The following MINDY4 variants were observed in gnomAD, a reference collection of about 807,000 sequenced individuals.
The protein encoded by MINDY4 is probable ubiquitin carboxyl-terminal hydrolase MINDY-4.
MINDY4 carries 68 observed loss-of-function variants against 87.0 expected under a neutral mutation model. The observed-to-expected ratio is 0.78, with a 90% CI of 0.64 to 0.96. The LOEUF is 0.96. MINDY4 is among the 40% of genes least tolerant of loss of function. MINDY4 has a pLI of 0.00. For synonymous variants in MINDY4, 379 were observed against 363.2 expected, an observed-to-expected ratio of 1.04 and a Z score of -0.50; for missense variants, 919 against 928.2, an observed-to-expected ratio of 0.99 and a Z score of 0.13.
intron 5 of MINDY4, among the ~76,000 whole-genome samples, chr7:30,822,564 A>T (rs1325664195): frequency 6.6e-6 from 1 of 151,376 alleles, no homozygotes; most frequent in Non-Finnish European, 1.5e-5. Context: ...TTTAGGCTTT[A>T]TTTTTTTTCA....
chr7:30,851,342 A>G (rs1396220340), intron 10 of MINDY4, among the ~76,000 whole-genome samples: 2 of 152,192 alleles, frequency 1.3e-5, no homozygotes, highest in African/African-American at 4.8e-5. Context: ...CGCTCTGTTT[A>G]CTCATCTGGA....
chr7:30,871,612 G>A (rs1022719577), intron 13 of MINDY4, among the ~76,000 whole-genome samples: 2 of 152,210 alleles, frequency 1.3e-5, no homozygotes, highest in Non-Finnish European at 2.9e-5. Context: ...TGCATCTTTT[G>A]AAGGACTCCA....
At chr7:30,805,587 C>T (rs1584257826) in intron 5 of MINDY4, among the ~76,000 whole-genome samples, 1 of 152,080 alleles carries the variant, frequency 6.6e-6, no homozygotes, top group African/African-American at 2.4e-5. Context: ...GAGCCAGTCT[C>T]CTGGAGGCAG....
chr7:30,778,966 A>T (rs930875002), intron 2 of MINDY4, among the ~76,000 whole-genome samples: 1 of 152,174 alleles, frequency 6.6e-6, no homozygotes, highest in Non-Finnish European at 1.5e-5. Context: ...GTAATACCTT[A>T]GTCTTGAGTC....
At chr7:30,850,841 C>T (rs1382575238) in intron 10 of MINDY4, among the ~76,000 whole-genome samples, 1 of 152,184 alleles carries the variant, frequency 6.6e-6, no homozygotes, top group Non-Finnish European at 1.5e-5. Flanking sequence ...GGTGACCCCT[C>T]AGAGGAAGCC....
chr7:30,803,734 C>G (rs1210644732), intron 5 of MINDY4, among the ~76,000 whole-genome samples: 1 of 152,202 alleles, frequency 6.6e-6, no homozygotes, highest in Non-Finnish European at 1.5e-5. Context: ...CCTGGGGTCT[C>G]ATTCCTAAAG....
intron 5 of MINDY4, among the ~76,000 whole-genome samples, chr7:30,808,165 G>A (rs1000822348): frequency 1.3e-5 from 2 of 152,184 alleles, no homozygotes; most frequent in Non-Finnish European, 1.5e-5. Flanking sequence ...AGAGCAGTGC[G>A]TGGCAGGCCC....
In MINDY4 at chr7:30,860,264, G is replaced by A. The variant is rs148776642; in HGVS notation, c.1745+940G>A. Among the ~76,000 whole-genome samples the A allele has an allele frequency of 4.7e-3, 718 of 152,234 alleles. 8 individuals carry two copies. The highest frequency in any genetic ancestry group is 7.7e-3 in the Non-Finnish European group (526 of 68,004). The stretch of plus-strand genomic sequence containing the variant: ...TTCTTTCCCGGCCTGGTTGGGTCTG[G>A]TCGGCGCCCTCCCTGTTTCCAGGGG... On this transcript the variant is annotated intron_variant, in intron 13 of 17. Transcript: ENST00000265299.
Position 30,778,452 on chromosome 7 carries a change from G to A in MINDY4, c.84G>A (p.Val28=), listed in dbSNP as rs1184467696. 1 of 1,614,194 alleles carries A rather than the reference G, an allele frequency of 6.2e-7. No homozygotes were observed. The highest frequency in any genetic ancestry group is 1.7e-5 in the Admixed American group (1 of 60,028). The part of the protein sequence containing the change: ...LSRKGLKKTC[V]TMDQERPRSD... ...CTCAGGGCTTAAAGAAGACATGTGT[G>A]ACCATGGACCAGGAACGCCCACGCT... Residue 28 remains valine, a synonymous_variant, in exon 2 of 18, where the codon GTG becomes GTA. Transcript: ENST00000265299.
At position 30,828,770 on chromosome 7, in the gene MINDY4, A is replaced by G. The variant is rs757114326; in HGVS notation, c.1132+33A>G. The G allele has an allele frequency of 5.6e-6, 9 of 1,607,968 alleles. 1 individual carries two copies. The Admixed American group carries it at 8.3e-5, about 15-fold the overall frequency. ...CAGCGGGTGCCTCTGTGCTGTGCCC[A>G]TCAGGGCCCAAGGGGTCCTCGTTGG... On this transcript the variant is annotated intron_variant, in intron 6 of 17. Transcript: ENST00000265299.
At chr7:30,823,191 A>G (rs1434471349) in intron 5 of MINDY4, among the ~76,000 whole-genome samples, 1 of 152,076 alleles carries the variant, frequency 6.6e-6, no homozygotes, top group Non-Finnish European at 1.5e-5. Context: ...GGTGTATGTC[A>G]CTCTGTCTAT....
At chr7:30,838,927 C>G (rs1788943534) in intron 7 of MINDY4, among the ~76,000 whole-genome samples, 1 of 152,138 alleles carries the variant, frequency 6.6e-6, no homozygotes, top group African/African-American at 2.4e-5. Context: ...TCTCAAGGCC[C>G]CTGTAAGGAG....
chr7:30,886,650 C>T lies in MINDY4; in HGVS notation c.2225+3657C>T, dbSNP rs1046162253. Among the ~76,000 whole-genome samples the T allele has an allele frequency of 6.3e-4, 96 of 152,230 alleles. 1 individual carries two copies. Among genetic ancestry groups the T allele is most frequent in the Admixed American group, 6.3e-3 (96 of 15,290 alleles). On this transcript the variant is annotated intron_variant, in intron 17 of 17. Transcript: ENST00000265299. ...GGTCACTTAGTGGGCAGTGACTTCC[C>T]ACCACCTGGCTTTGTTGCCTCGGTG...
At chr7:30,821,863 A>G (rs1248103010) in intron 5 of MINDY4, among the ~76,000 whole-genome samples, 8 of 152,208 alleles carry the variant, frequency 5.3e-5, no homozygotes, top group Non-Finnish European at 1.0e-4. Context: ...ATATTTTTCC[A>G]AATTTTAAGG....
intron 13 of MINDY4, among the ~76,000 whole-genome samples, chr7:30,862,187 G>A (rs1317709168): frequency 6.6e-6 from 1 of 152,216 alleles, no homozygotes; most frequent in Non-Finnish European, 1.5e-5. Flanking sequence ...GGAGATGTGG[G>A]CATCTGAGTG....
chr7:30,840,891 C>A lies in MINDY4; in HGVS notation c.1445+43C>A, dbSNP rs202153982. 5 of 1,561,434 alleles carry A rather than the reference C, an allele frequency of 3.2e-6. No homozygotes were observed. The South Asian group carries it at 5.6e-5, about 18-fold the overall frequency. ...CTGGCAATATCTTATTTTCCCAAGT[C>A]TTCCCCAGAGTGTCCAGAAAAAACA... On this transcript the variant is annotated intron_variant, in intron 9 of 17. Transcript: ENST00000265299.
In MINDY4 at chr7:30,793,609, C is replaced by T. The variant is rs183434658; in HGVS notation, c.1073+2035C>T. The stretch of plus-strand genomic sequence containing the variant: ...TAATATTTTGTATTTTTTGTAGAGA[C>T]GGGGTTTTGTTATGTTGCCCAGGCT... On this transcript the variant is annotated intron_variant, in intron 5 of 17. Coordinates refer to ENST00000265299, the MANE Select transcript of MINDY4 (RefSeq NM_032222.3). Among the ~76,000 whole-genome samples the T allele has an allele frequency of 4.5e-3, 687 of 151,998 alleles. 5 individuals carry two copies. The highest frequency in any genetic ancestry group is 6.5e-3 in the Non-Finnish European group (442 of 67,968).
At position 30,875,614 on chromosome 7, in the gene MINDY4, T is replaced by C. The variant is rs1033944961; in HGVS notation, c.1929T>C (p.Asp643=). Residue 643 remains aspartate, a synonymous_variant, in exon 15 of 18, where the codon GAT becomes GAC. Transcript: ENST00000265299. ...TLLRGIAARS[D]IGFLSLFEHY... ...TCAGAGGCATTGCTGCACGCAGTGA[T>C]ATTGGCTTCTTATCTCTCTTTGAGC... 54 of 1,614,008 alleles carry C rather than the reference T, an allele frequency of 3.3e-5. No homozygotes were observed. Among genetic ancestry groups the C allele is most frequent in the Non-Finnish European group, 4.5e-5 (53 of 1,179,934 alleles).
At chr7:30,824,182 A>C (rs1434967210) in intron 5 of MINDY4, among the ~76,000 whole-genome samples, 1 of 152,196 alleles carries the variant, frequency 6.6e-6, no homozygotes, top group Non-Finnish European at 1.5e-5. Context: ...ACATCTAATG[A>C]GGGCCTTCTT....
Sources: allele counts gnomAD v4.1 joint callset (sites outside exome capture counted in the v4.1 genomes callset), GRCh38; gene constraint gnomAD v4.1.1; transcripts MANE v1.5; gene names NCBI Gene and HGNC (gene_info 2026-07-23, HGNC 2026-07-21).